Variants in MACROD2 observed in about 807,000 individuals in gnomAD.
The protein encoded by MACROD2 is mono-ADP ribosylhydrolase 2.
MACROD2 carries 36 observed loss-of-function variants against 70.4 expected under a neutral mutation model. The observed-to-expected ratio is 0.51, with a 90% CI of 0.39 to 0.68. The LOEUF is 0.68. MACROD2 is among the 30% of genes least tolerant of loss of function. The pLI, the probability that MACROD2 is intolerant of heterozygous loss-of-function variation, is 0.00. For missense variants in MACROD2, 496 were observed against 538.4 expected (o/e 0.92, Z 0.78); for synonymous variants, 172 against 178.8 (o/e 0.96, Z 0.30).
chr20:15,937,755 A>G (rs1445578848), intron 12 of MACROD2, among the ~76,000 whole-genome samples: 3 of 151,488 alleles, frequency 2.0e-5, no homozygotes, highest in Non-Finnish European at 2.9e-5. Context: ...ATATGTGTGT[A>G]TATATGTATA....
At chr20:15,041,394 A>G (rs900920464) in intron 5 of MACROD2, among the ~76,000 whole-genome samples, 1 of 152,132 alleles carries the variant, frequency 6.6e-6, no homozygotes, top group South Asian at 2.1e-4. Context: ...TCTAGATTTT[A>G]TAGAAGAATA....
chr20:15,630,654 G>A (rs911638421), intron 8 of MACROD2, among the ~76,000 whole-genome samples: 1 of 152,238 alleles, frequency 6.6e-6, no homozygotes, highest in Non-Finnish European at 1.5e-5. Flanking sequence ...AATTCTGCAA[G>A]TGAGTTTAAT....
intron 6 of MACROD2, among the ~76,000 whole-genome samples, chr20:15,416,277 C>T (rs1221080822): frequency 6.6e-6 from 1 of 151,978 alleles, no homozygotes; most frequent in African/African-American, 2.4e-5. Flanking sequence ...TTTCTTTCTC[C>T]TTTTCTTTTC....
At chr20:14,640,081 G>A (rs935474975) in intron 4 of MACROD2, among the ~76,000 whole-genome samples, 6 of 152,202 alleles carry the variant, frequency 3.9e-5, no homozygotes, top group African/African-American at 9.6e-5. Context: ...ACAGGCATAC[G>A]ATAAAGTGCA....
intron 5 of MACROD2, among the ~76,000 whole-genome samples, chr20:15,198,946 T>C (rs1198166702): frequency 2.6e-5 from 4 of 152,084 alleles, no homozygotes; most frequent in Admixed American, 2.0e-4. Flanking sequence ...TTAAATTTAA[T>C]GTCATTGAAT....
chr20:14,170,746 C>G (rs1050635052), intron 3 of MACROD2, among the ~76,000 whole-genome samples: 10 of 152,114 alleles, frequency 6.6e-5, no homozygotes, highest in Non-Finnish European at 1.5e-4. Context: ...AGTTGGTTAG[C>G]TAGTATTTCG....
chr20:14,684,906 G>T lies in MACROD2; in HGVS notation c.365G>T (p.Gly122Val), dbSNP rs762041678. The T allele has an allele frequency of 6.2e-7, 1 of 1,614,020 alleles. No individual in the cohort carries two copies. The highest frequency in any genetic ancestry group is 8.5e-7 in the Non-Finnish European group (1 of 1,179,950). Reference protein sequence around the residue: ...CLLAECRNLNGCDTGHAKITC... With the variant: ...CLLAECRNLNVCDTGHAKITC... ...CTAGCTGAATGTCGTAACCTGAATGGCTGTGATACTGGACATGCAAAAATC... is the reference window on the plus strand; with the variant it reads ...CTAGCTGAATGTCGTAACCTGAATGTCTGTGATACTGGACATGCAAAAATC... The change falls in exon 5 of 18, where the codon GGC (glycine) becomes GTC (valine). Residue 122 changes from glycine (G) to valine (V), a missense_variant. By Grantham distance (109) the Gly-to-Val change is moderately radical (BLOSUM62 -3). Coordinates refer to ENST00000684519, the MANE Select transcript of MACROD2 (RefSeq NM_001351661.2).
intron 5 of MACROD2, among the ~76,000 whole-genome samples, chr20:14,867,703 G>T (rs1210004148): frequency 6.6e-6 from 1 of 152,050 alleles, no homozygotes; most frequent in East Asian, 1.9e-4. Context: ...AGTCCCCTTG[G>T]ATTCTGAGGC....
At chr20:15,192,589 T>C (rs1231282362) in intron 5 of MACROD2, among the ~76,000 whole-genome samples, 2 of 152,296 alleles carry the variant, frequency 1.3e-5, no homozygotes, top group African/African-American at 4.8e-5. Context: ...GGCATCCTGC[T>C]AATACTCAGG....
At chr20:14,342,022 A>G (rs1186783924) in intron 3 of MACROD2, among the ~76,000 whole-genome samples, 1 of 152,108 alleles carries the variant, frequency 6.6e-6, no homozygotes, top group Non-Finnish European at 1.5e-5. Context: ...GCGTCCTCCA[A>G]AAGCCCCTGC....
chr20:15,465,474 CA>C (rs1348106583), intron 7 of MACROD2, among the ~76,000 whole-genome samples: 1 of 152,262 alleles, frequency 6.6e-6, no homozygotes, highest in Non-Finnish European at 1.5e-5. Context: ...GGCCGTGAGA[CA>C]AATGCTTGGC....
chr20:15,954,284 A>G (rs552398161), intron 12 of MACROD2, among the ~76,000 whole-genome samples: 2 of 152,108 alleles, frequency 1.3e-5, no homozygotes, highest in East Asian at 1.9e-4. Context: ...GCACCTTTCC[A>G]TTGCAGACTT....
intron 3 of MACROD2, among the ~76,000 whole-genome samples, chr20:14,294,388 CT>C: frequency 6.6e-6 from 1 of 151,264 alleles, no homozygotes; most frequent in Non-Finnish European, 1.5e-5. Context: ...TAATTACAAT[CT>C]TCTGACAGAC....
chr20:14,854,957 A>G (rs1396670974), intron 5 of MACROD2, among the ~76,000 whole-genome samples: 1 of 152,102 alleles, frequency 6.6e-6, no homozygotes, highest in African/African-American at 2.4e-5. Context: ...CGGAGCTTGC[A>G]GTGAGCCGAG....
chr20:15,398,932 C>G (rs1490251544), intron 6 of MACROD2, among the ~76,000 whole-genome samples: 1 of 152,180 alleles, frequency 6.6e-6, no homozygotes, highest in Non-Finnish European at 1.5e-5. Flanking sequence ...TCCTTCTCGC[C>G]TCAGCCTCCC....
chr20:15,091,632 G>C (rs2075793915), intron 5 of MACROD2, among the ~76,000 whole-genome samples: 1 of 152,046 alleles, frequency 6.6e-6, no homozygotes, highest in Non-Finnish European at 1.5e-5. Flanking sequence ...CCATTGCCTG[G>C]TTCTCTGTGG....
At chr20:15,698,404 C>T (rs1387835141) in intron 8 of MACROD2, among the ~76,000 whole-genome samples, 1 of 152,190 alleles carries the variant, frequency 6.6e-6, no homozygotes, top group South Asian at 2.1e-4. Context: ...GATATGGCCC[C>T]AATCCCTTCT....
chr20:14,831,780 C>CAAAAAAA (rs71190151), intron 5 of MACROD2, among the ~76,000 whole-genome samples: 7 of 37,180 alleles, frequency 1.9e-4, no homozygotes, highest in African/African-American at 4.9e-4. Flanking sequence ...AACTCCGTCT[C>CAAAAAAA]AAAAAAAAAA....
chr20:14,203,719 G>C (rs1049722494), intron 3 of MACROD2, among the ~76,000 whole-genome samples: 4 of 152,198 alleles, frequency 2.6e-5, no homozygotes, highest in African/African-American at 9.6e-5. Flanking sequence ...CTGTGGTGAG[G>C]CTTTACTGGG....
Sources: gnomAD v4.1 joint callset for allele counts (sites outside exome capture counted in the v4.1 genomes callset) on GRCh38, gnomAD v4.1.1 for gene constraint, MANE v1.5 for transcripts, NCBI Gene and HGNC (gene_info 2026-07-23, HGNC 2026-07-21) for gene names.